Variants in RANBP17 observed in about 807,000 individuals in gnomAD.
RANBP17 encodes ran-binding protein 17.
Under a neutral mutation model 141.2 loss-of-function variants are expected in RANBP17, and 158 were observed. The observed-to-expected ratio is 1.12, with a 90% CI of 0.98 to 1.28. The LOEUF is 1.28. Among genes scored for constraint, RANBP17 ranks in the 50% most tolerant of loss-of-function variants. The probability of loss-of-function intolerance (pLI) is 0.00; values close to 1 mark genes in which losing one functional copy is unlikely to be tolerated. For synonymous variants in RANBP17, 430 were observed against 450.0 expected, an observed-to-expected ratio of 0.96 and a Z score of 0.56; for missense variants, 1,438 against 1,290.7, an observed-to-expected ratio of 1.11 and a Z score of -1.75.
intron 14 of RANBP17, among the ~76,000 whole-genome samples, chr5:171,167,899 AT>A (rs1759814804): frequency 6.6e-6 from 1 of 152,154 alleles, no homozygotes; most frequent in South Asian, 2.1e-4. Context: ...TTCTGTTGTA[AT>A]TTACGATTCT....
chr5:171,111,018 C>A (rs1000012964), intron 14 of RANBP17, among the ~76,000 whole-genome samples: 42 of 151,890 alleles, frequency 2.8e-4, no homozygotes, highest in Admixed American at 8.5e-4. Flanking sequence ...CCTCTCCCCC[C>A]ACCCCACCAC....
chr5:171,280,654 T>C (rs368916615), intron 25 of RANBP17, among the ~76,000 whole-genome samples: 1 of 152,230 alleles, frequency 6.6e-6, no homozygotes, highest in East Asian at 1.9e-4. Context: ...GACTCCTTGT[T>C]TGTCTGTAAT....
intron 5 of RANBP17, among the ~76,000 whole-genome samples, chr5:170,905,391 T>G (rs984337141): frequency 6.6e-6 from 1 of 152,118 alleles, no homozygotes; most frequent in African/African-American, 2.4e-5. Flanking sequence ...TAGAAGAGCT[T>G]GCATACCCAG....
intron 24 of RANBP17, among the ~76,000 whole-genome samples, chr5:171,260,288 G>A (rs1472759752): frequency 7.8e-6 from 1 of 128,456 alleles, no homozygotes; most frequent in African/African-American, 2.9e-5. Flanking sequence ...GTGACAGAGT[G>A]AGACTCCATC....
At chr5:171,170,100 A>C in intron 14 of RANBP17, 30 bp from the exon 15 acceptor site, 1 of 1,244,332 alleles carries the variant, frequency 8.0e-7, no homozygotes, top group African/African-American at 1.5e-5. Context: ...TTAATAGTAA[A>C]ACTTTTAACA....
intron 14 of RANBP17, among the ~76,000 whole-genome samples, chr5:171,056,551 A>G (rs1254298271): frequency 6.6e-6 from 1 of 152,164 alleles, no homozygotes; most frequent in East Asian, 1.9e-4. Context: ...AATAACACCA[A>G]TAACATATTC....
chr5:171,287,468 C>T (rs2964520), intron 25 of RANBP17, among the ~76,000 whole-genome samples: 85,578 of 149,040 alleles, frequency 0.57, 26,055 homozygotes, highest in South Asian at 0.78. Flanking sequence ...CCAGCCTGGG[C>T]GACAGGAGCG....
At chr5:171,193,735 C>T (rs983034757) in intron 18 of RANBP17, among the ~76,000 whole-genome samples, 96 of 152,252 alleles carry the variant, frequency 6.3e-4, no homozygotes, top group African/African-American at 2.3e-3. Context: ...CCCATGCTGC[C>T]ATCTTTGTGG....
rs200725729 is a variant in RANBP17 at position 170,881,857 on chromosome 5, C to T, written c.217C>T (p.Arg73Ter). The change falls in exon 3 of 28, where the codon CGA becomes TGA. Residue 73 changes from arginine to a stop codon, truncating the protein, a stop_gained. Transcript: ENST00000523189. LOFTEE classifies it high-confidence loss of function. ...AATCLSKLVSRVSPLPVEQRM... is the reference protein window; with the variant it reads ...AATCLSKLVS ...AACATGTCTTTCAAAACTTGTCAGC[C>T]GAGTCAGTCCTTTACCTGTTGAGCA... The T allele has an allele frequency of 2.7e-5, 44 of 1,609,898 alleles. No homozygotes were observed. The highest frequency in any genetic ancestry group is 6.7e-5 in the African/African-American group (5 of 74,834).
chr5:170,997,508 A>G (rs933744996), intron 14 of RANBP17, among the ~76,000 whole-genome samples: 3 of 152,160 alleles, frequency 2.0e-5, no homozygotes, highest in East Asian at 1.9e-4. Flanking sequence ...CACATAGTAA[A>G]TGTACTACCA....
intron 24 of RANBP17, among the ~76,000 whole-genome samples, chr5:171,258,360 T>C (rs1408069413): frequency 6.6e-6 from 1 of 152,148 alleles, no homozygotes; most frequent in Non-Finnish European, 1.5e-5. Flanking sequence ...ACCATCCTTC[T>C]TCACAGAATT....
At chr5:171,246,373 C>T (rs998307551) in intron 24 of RANBP17, among the ~76,000 whole-genome samples, 2 of 152,194 alleles carry the variant, frequency 1.3e-5, no homozygotes, top group Non-Finnish European at 2.9e-5. Flanking sequence ...TTGGGTTTTC[C>T]CTTTACTAGC....
At position 170,896,122 on chromosome 5, in the gene RANBP17, G is replaced by A. The variant is rs769410822; in HGVS notation, c.489+7G>A. 18 of 1,593,468 alleles carry A rather than the reference G, an allele frequency of 1.1e-5. No homozygotes were observed. In the East Asian group the frequency reaches 2.9e-4, roughly 26 times the overall value. On this transcript the variant is annotated splice_region_variant and intron_variant, in intron 5 of 27. Coordinates refer to ENST00000523189, the MANE Select transcript of RANBP17 (RefSeq NM_022897.5). ...GACTCAGGAAATGAACCTGGTAAGCGAGCCTTTCCATCTAACAGGAGCCTG... is the reference window on the plus strand; with the variant it reads ...GACTCAGGAAATGAACCTGGTAAGCAAGCCTTTCCATCTAACAGGAGCCTG...
chr5:171,066,477 A>G (rs1056571690), intron 14 of RANBP17, among the ~76,000 whole-genome samples: 3 of 152,138 alleles, frequency 2.0e-5, no homozygotes. Context: ...AAGTTCACTC[A>G]TGTTGTTGCA....
intron 1 of RANBP17, among the ~76,000 whole-genome samples, chr5:170,866,535 C>T (rs953857926): frequency 2.6e-5 from 4 of 152,140 alleles, no homozygotes; most frequent in East Asian, 1.9e-4. Context: ...ATTAGCTGGG[C>T]GTGGTGGCGG....
At chr5:171,098,618 C>T (rs982803410) in intron 14 of RANBP17, among the ~76,000 whole-genome samples, 1 of 152,132 alleles carries the variant, frequency 6.6e-6, no homozygotes, top group Non-Finnish European at 1.5e-5. Context: ...GTTTCTTTTG[C>T]TGTGCAGAAG....
chr5:171,100,531 A>G lies in RANBP17; in HGVS notation c.1711-69599A>G, dbSNP rs375319001. Among the ~76,000 whole-genome samples the G allele has an allele frequency of 5.9e-4, 89 of 152,034 alleles. 1 individual carries two copies. The South Asian group carries it at 0.016, about 27-fold the overall frequency. On this transcript the variant is annotated intron_variant, in intron 14 of 27. Transcript: ENST00000523189. ...GGCTAGCAGTCTATCTATTTTGTCAATCTTTTCCAAAAACCAGCTCCTGGA... is the reference window on the plus strand; with the variant it reads ...GGCTAGCAGTCTATCTATTTTGTCAGTCTTTTCCAAAAACCAGCTCCTGGA...
intron 21 of RANBP17, 21 bp from the exon 22 acceptor site, chr5:171,221,737 A>T (rs773381705): frequency 3.3e-6 from 5 of 1,509,674 alleles, no homozygotes; most frequent in Admixed American, 1.7e-5. Context: ...CATATAGGCA[A>T]TTTTTTTCTA....
intron 3 of RANBP17, among the ~76,000 whole-genome samples, chr5:170,889,551 G>A (rs1392918777): frequency 6.6e-6 from 1 of 152,084 alleles, no homozygotes; most frequent in Non-Finnish European, 1.5e-5. Flanking sequence ...CTATAAGACA[G>A]AATAATAGTA....
Sources: gnomAD v4.1 joint callset for allele counts (sites outside exome capture counted in the v4.1 genomes callset) on GRCh38, gnomAD v4.1.1 for gene constraint, MANE v1.5 for transcripts, NCBI Gene and HGNC (gene_info 2026-07-23, HGNC 2026-07-21) for gene names.